YWHAZ: variants seen among roughly 807,000 people sequenced by gnomAD.
YWHAZ encodes the protein 14-3-3 protein zeta/delta.
For synonymous variants in YWHAZ, 87 were observed against 103.6 expected (o/e 0.84, Z 0.97); for missense variants, 79 against 284.8 (o/e 0.28, Z 5.20).
chr8:100,924,816 CT>C lies in YWHAZ; in HGVS notation c.418+99del, dbSNP rs1813250577. 1.3e-6 allele frequency: 2 copies of C among 1,501,698 alleles called. No individual in the cohort carries two copies. Among genetic ancestry groups the C allele is most frequent in the African/African-American group, 2.8e-5 (2 of 72,140 alleles). The allele number at this position is 1,501,698 out of a possible 1,614,324, so 93.0% of individuals were successfully genotyped here. A position where few individuals can be genotyped will look rare whatever the true frequency, so the allele number is the denominator to read the frequency against. ...GAGCACTGCTACTCCTTATTCGGCA[CT>C]CTAAGCAATTCAAAACAAGACATTA... is the stretch of plus-strand genomic sequence containing the variant. On this transcript the variant is annotated intron_variant, in intron 3 of 5. Transcript: ENST00000395958. The surrounding 1 kb of genome is among the most constrained non-coding windows in gnomAD (Gnocchi z 5.7).
chr8:100,951,662 C>T (rs1297059327), intron 1 of YWHAZ: 3 of 985,298 alleles, frequency 3.0e-6, no homozygotes, highest in South Asian at 9.4e-5. Flanking sequence ...GCCCTACCCA[C>T]CCCCGGGGGC....
chr8:100,927,359 C>G (rs926334533), intron 2 of YWHAZ, among the ~76,000 whole-genome samples: 1 of 151,988 alleles, frequency 6.6e-6, no homozygotes, highest in African/African-American at 2.4e-5. Flanking sequence ...CCTGCCTCTA[C>G]AAAAAAATTT....
At chr8:100,940,304 T>A (rs1043928709) in intron 2 of YWHAZ, among the ~76,000 whole-genome samples, 2 of 152,166 alleles carry the variant, frequency 1.3e-5, no homozygotes, top group Non-Finnish European at 2.9e-5. Flanking sequence ...AAACGCCTCA[T>A]TTTTCATAGG....
chr8:100,952,989 G>A (rs1254962226), upstream of YWHAZ: 2 of 1,000,708 alleles, frequency 2.0e-6, no homozygotes, highest in Admixed American at 6.1e-5. Flanking sequence ...CTGCGCGAGG[G>A]GACAATGGGT....
chr8:100,939,962 G>T (rs1814505799), intron 2 of YWHAZ, among the ~76,000 whole-genome samples: 1 of 151,556 alleles, frequency 6.6e-6, no homozygotes, highest in African/African-American at 2.4e-5. Flanking sequence ...GGCGGAGCTT[G>T]CAGTGAGCCG....
intron 2 of YWHAZ, among the ~76,000 whole-genome samples, chr8:100,941,996 G>C (rs529075327): frequency 3.5e-4 from 53 of 152,240 alleles, no homozygotes; most frequent in African/African-American, 1.2e-3. Flanking sequence ...TAACTTTATA[G>C]ATTAATACTT....
intron 1 of YWHAZ, among the ~76,000 whole-genome samples, chr8:100,950,105 T>A (rs962423092): frequency 2.5e-4 from 38 of 152,216 alleles, no homozygotes; most frequent in Admixed American, 1.4e-3. Context: ...CGCCACATTT[T>A]AAACAAATAA....
At position 100,948,655 on chromosome 8, in the gene YWHAZ, C is replaced by T; in HGVS notation, c.235G>A (p.Ala79Thr). 1 of 1,609,230 alleles carries T rather than the reference C, an allele frequency of 6.2e-7. No individual in the cohort carries two copies. Residue 79 changes from alanine to threonine, a missense_variant, in exon 2 of 6, where the codon GCT becomes ACT. Coordinates refer to ENST00000395958, the MANE Select transcript of YWHAZ (RefSeq NM_145690.3). This position sits in a 1 kb window ranked among gnomAD's most constrained non-coding sequence, Gnocchi z 4.2. The stretch of plus-strand genomic sequence containing the variant: ...TCAATTTTCTCTCTGTATTCTCGAG[C>T]CATCTGCTGTTTTTTCTCAGCACCT... ...TEGAEKKQQM[A>T]REYREKIETE... is the part of the protein sequence containing the mutation.
intron 2 of YWHAZ, among the ~76,000 whole-genome samples, chr8:100,930,933 C>A (rs552793924): frequency 6.6e-6 from 1 of 152,118 alleles, no homozygotes; most frequent in Non-Finnish European, 1.5e-5. Flanking sequence ...CCACAAGAAG[C>A]CGGTATCTAA....
At chr8:100,945,555 A>G (rs940122950) in intron 2 of YWHAZ, among the ~76,000 whole-genome samples, 1 of 152,130 alleles carries the variant, frequency 6.6e-6, no homozygotes, top group African/African-American at 2.4e-5. Flanking sequence ...GTAATAAAAA[A>G]TTATAATTGA....
intron 2 of YWHAZ, among the ~76,000 whole-genome samples, chr8:100,928,055 G>A (rs1439484599): frequency 1.3e-5 from 2 of 152,292 alleles, no homozygotes; most frequent in South Asian, 2.1e-4. Context: ...TGAGGTGGGC[G>A]GATCACGAGG....
chr8:100,918,441 T>TATATATATATATAA lies in YWHAZ; in HGVS notation c.*2251_*2252insTTATATATATATAT, dbSNP rs1563661969. The TATATATATATATAA allele has an allele frequency of 2.5e-5, 3 of 120,816 alleles. No individual in the cohort carries two copies. The highest frequency in any genetic ancestry group is 6.2e-5 in the African/African-American group (2 of 32,072). 7.5% of individuals were successfully genotyped at this position (120,816 alleles called of 1,614,324 possible). On this transcript the variant is annotated 3_prime_UTR_variant, in exon 6 of 6. Coordinates refer to ENST00000395958, the MANE Select transcript of YWHAZ (RefSeq NM_145690.3). ...ATATATATATATATATATATATATA[T>TATATATATATATAA]ATAATTATTTTACCTCCTTGGCTTG... is the stretch of plus-strand genomic sequence containing the variant.
chr8:100,937,985 C>G (rs1415267429), intron 2 of YWHAZ, among the ~76,000 whole-genome samples: 3 of 152,142 alleles, frequency 2.0e-5, no homozygotes, highest in Non-Finnish European at 2.9e-5. Flanking sequence ...ACAGAATTAG[C>G]TGGGCGTGGT....
chr8:100,937,418 CA>C (rs1814230123), intron 2 of YWHAZ, among the ~76,000 whole-genome samples: 1 of 151,910 alleles, frequency 6.6e-6, no homozygotes, highest in African/African-American at 2.4e-5. Flanking sequence ...TGTCTTAAAA[CA>C]GTATTTCACC....
chr8:100,942,687 C>A (rs1809961699), intron 2 of YWHAZ, among the ~76,000 whole-genome samples: 1 of 152,130 alleles, frequency 6.6e-6, no homozygotes, highest in African/African-American at 2.4e-5. Context: ...TGGTAATTAG[C>A]AACAGTTTGT....
intron 2 of YWHAZ, among the ~76,000 whole-genome samples, chr8:100,947,264 A>AC (rs1250659280): frequency 1.3e-5 from 2 of 151,898 alleles, no homozygotes; most frequent in African/African-American, 4.8e-5. Context: ...AAAAAAAAAA[A>AC]AAAACAAAAA....
Position 100,949,000 on chromosome 8 carries a change from A to G in YWHAZ, c.-11-100T>C. ...AATGAGTTTTTTAAACCTGAAACCT[A>G]ACTGCCTGTGAAAGACTGTTCACAT... On this transcript the variant is annotated intron_variant, in intron 1 of 5. Coordinates refer to ENST00000395958, the MANE Select transcript of YWHAZ (RefSeq NM_145690.3). This position sits in a 1 kb window ranked among gnomAD's most constrained non-coding sequence, Gnocchi z 4.2. The G allele has an allele frequency of 3.7e-6, 5 of 1,333,700 alleles. No homozygotes were observed. In the Middle Eastern group the frequency reaches 6.0e-4, roughly 161 times the overall value. 82.6% of individuals were successfully genotyped at this position (1,333,700 alleles called of 1,614,324 possible).
Position 100,923,784 on chromosome 8 carries a change from G to A in YWHAZ, c.678+171C>T, listed in dbSNP as rs373915384. The A allele has an allele frequency of 1.1e-3, 543 of 489,568 alleles. 11 individuals carry two copies. In the South Asian group the frequency reaches 0.02, roughly 18 times the overall value. The allele number at this position is 489,568 out of a possible 1,614,324, so 30.3% of individuals were successfully genotyped here. A position where few individuals can be genotyped will look rare whatever the true frequency, so the allele number is the denominator to read the frequency against. On this transcript the variant is annotated intron_variant, in intron 5 of 5. Transcript: ENST00000395958. ...TTCTCAGTCTAATATTTCAGTTTCTGTAATTTTCCTTCATAGGACTTTAAT... is the reference window on the plus strand; with the variant it reads ...TTCTCAGTCTAATATTTCAGTTTCTATAATTTTCCTTCATAGGACTTTAAT...
At chr8:100,932,710 T>C (rs916013679) in intron 2 of YWHAZ, among the ~76,000 whole-genome samples, 10 of 152,246 alleles carry the variant, frequency 6.6e-5, no homozygotes, top group African/African-American at 2.2e-4. Flanking sequence ...AAGAAAAAAG[T>C]GTTCCATAAA....
Sources: allele counts gnomAD v4.1 joint callset (sites outside exome capture counted in the v4.1 genomes callset), GRCh38; gene constraint gnomAD v4.1.1; non-coding constraint Gnocchi (gnomAD v3.1); transcripts MANE v1.5; gene names NCBI Gene and HGNC (gene_info 2026-07-23, HGNC 2026-07-21).